Variants in FSTL5 observed in about 807,000 individuals in gnomAD.
FSTL5 encodes the protein follistatin-related protein 5.
Under a neutral mutation model 89.1 loss-of-function variants are expected in FSTL5, and 62 were observed. That is an observed-to-expected ratio of 0.70 (90% CI 0.57 to 0.86). The LOEUF is 0.86. Ranked by LOEUF, FSTL5 falls within the 40% of genes least tolerant of loss-of-function variation. The probability of loss-of-function intolerance (pLI) is 0.00; values close to 1 mark genes in which losing one functional copy is unlikely to be tolerated. For synonymous variants in FSTL5, 383 were observed against 346.2 expected, an observed-to-expected ratio of 1.11 and a Z score of -1.18; for missense variants, 1,057 against 1,001.6, an observed-to-expected ratio of 1.06 and a Z score of -0.75.
intron 4 of FSTL5, among the ~76,000 whole-genome samples, chr4:161,819,419 T>A (rs1490330964): frequency 1.3e-5 from 2 of 152,138 alleles, no homozygotes; most frequent in Non-Finnish European, 2.9e-5. Context: ...TTTTATGTCA[T>A]GTAACTTACA....
intron 2 of FSTL5, among the ~76,000 whole-genome samples, chr4:162,036,113 C>G (rs558731429): frequency 1.6e-3 from 243 of 152,182 alleles, no homozygotes; most frequent in Non-Finnish European, 2.6e-3. Context: ...TTAGCAATCT[C>G]GTCTAATCTC....
chr4:161,390,910 TG>T (rs1398904240), intron 15 of FSTL5, among the ~76,000 whole-genome samples: 1 of 152,138 alleles, frequency 6.6e-6, no homozygotes, highest in African/African-American at 2.4e-5. Flanking sequence ...TACAAACAGC[TG>T]GGAAAGGACC....
chr4:161,940,415 T>C (rs1169491567), intron 3 of FSTL5, among the ~76,000 whole-genome samples: 1 of 151,706 alleles, frequency 6.6e-6, no homozygotes, highest in Non-Finnish European at 1.5e-5. Flanking sequence ...TAAAATACAT[T>C]AATTTACACA....
chr4:161,521,610 A>T (rs1027642712), intron 10 of FSTL5, among the ~76,000 whole-genome samples: 9 of 152,180 alleles, frequency 5.9e-5, no homozygotes, highest in Non-Finnish European at 8.8e-5. Flanking sequence ...GCACTTTGAG[A>T]AGCCGAGGCG....
At chr4:162,040,105 T>G (rs1412040692) in intron 2 of FSTL5, among the ~76,000 whole-genome samples, 2 of 152,024 alleles carry the variant, frequency 1.3e-5, no homozygotes, top group Non-Finnish European at 2.9e-5. Context: ...AATTTCATTC[T>G]CAGAACTCTT....
chr4:162,125,889 T>C (rs554393667), intron 1 of FSTL5, among the ~76,000 whole-genome samples: 9 of 152,234 alleles, frequency 5.9e-5, no homozygotes, highest in Non-Finnish European at 8.8e-5. Context: ...GTGTGTTTAC[T>C]GTTGTATATC....
intron 4 of FSTL5, among the ~76,000 whole-genome samples, chr4:161,787,205 A>G (rs1741936962): frequency 6.6e-6 from 1 of 152,100 alleles, no homozygotes; most frequent in South Asian, 2.1e-4. Flanking sequence ...TATAAATGAG[A>G]TGTTTAAGGT....
In FSTL5 at chr4:162,147,741, G is replaced by A. The variant is rs1158073494; in HGVS notation, c.-17+15874C>T. ...TAAAATTAATGTTTGGGCCAGGAGC[G>A]GTGGCTCACGCCTGTAATCACAGCG... On this transcript the variant is annotated intron_variant, in intron 1 of 15. Transcript: ENST00000306100. 8.5e-5 allele frequency among the ~76,000 whole-genome samples: 13 copies of A among 152,162 alleles called. 1 individual carries two copies. The East Asian group carries it at 1.5e-3, about 18-fold the overall frequency.
At chr4:161,997,733 T>A (rs1468133581) in intron 3 of FSTL5, among the ~76,000 whole-genome samples, 1 of 151,078 alleles carries the variant, frequency 6.6e-6, no homozygotes. Flanking sequence ...GCCTCCAGAG[T>A]AGCTGGGACT....
chr4:161,521,559 A>C (rs1731022873), intron 10 of FSTL5, among the ~76,000 whole-genome samples: 1 of 152,062 alleles, frequency 6.6e-6, no homozygotes, highest in African/African-American at 2.4e-5. Context: ...GGTTAAAGAA[A>C]AACTGGTGGC....
chr4:162,063,337 T>C (rs1207761908), intron 2 of FSTL5, among the ~76,000 whole-genome samples: 3 of 151,834 alleles, frequency 2.0e-5, no homozygotes, highest in Non-Finnish European at 2.9e-5. Context: ...ACTTCTCTTA[T>C]ACAAGAGAAA....
chr4:161,564,186 A>G (rs899446605), intron 8 of FSTL5, among the ~76,000 whole-genome samples: 1 of 151,554 alleles, frequency 6.6e-6, no homozygotes, highest in Non-Finnish European at 1.5e-5. Context: ...GTATATTATC[A>G]GAACCATCAA....
chr4:161,658,278 G>A (rs1736589481), intron 6 of FSTL5, among the ~76,000 whole-genome samples: 1 of 151,686 alleles, frequency 6.6e-6, no homozygotes, highest in Admixed American at 6.6e-5. Context: ...GGCCAACATG[G>A]TGAAACCCCA....
At chr4:161,474,036 T>C (rs1418105896) in intron 13 of FSTL5, among the ~76,000 whole-genome samples, 1 of 152,204 alleles carries the variant, frequency 6.6e-6, no homozygotes, top group Non-Finnish European at 1.5e-5. Context: ...TCTCATTTCC[T>C]GCATTATTGT....
chr4:161,423,987 G>GT (rs1732080318), intron 15 of FSTL5, among the ~76,000 whole-genome samples: 1 of 144,144 alleles, frequency 6.9e-6, no homozygotes, highest in Non-Finnish European at 1.5e-5. Flanking sequence ...CTCCCAAGTA[G>GT]TTGGGACTAC....
intron 15 of FSTL5, among the ~76,000 whole-genome samples, chr4:161,433,429 T>A (rs535476590): frequency 1.3e-5 from 2 of 151,904 alleles, no homozygotes; most frequent in Non-Finnish European, 2.9e-5. Flanking sequence ...AAAAGCCACA[T>A]ACAACAGACC....
chr4:161,752,600 T>C (rs1002634410), intron 6 of FSTL5, among the ~76,000 whole-genome samples: 33 of 152,300 alleles, frequency 2.2e-4, no homozygotes, highest in African/African-American at 6.5e-4. Flanking sequence ...CACTTTTTTT[T>C]CCCTTGGATT....
chr4:162,127,714 C>T (rs1252647590), intron 1 of FSTL5, among the ~76,000 whole-genome samples: 1 of 151,658 alleles, frequency 6.6e-6, no homozygotes, highest in Non-Finnish European at 1.5e-5. Flanking sequence ...AAGGATAGAA[C>T]TGAGACATTA....
At chr4:161,552,490 G>A (rs1578919380) in intron 8 of FSTL5, 2 of 151,638 alleles carry the variant, frequency 1.3e-5, no homozygotes, top group East Asian at 3.9e-4. Context: ...CCACTTACAT[G>A]GTCACTGATA....
Sources: gnomAD v4.1 joint callset for allele counts (sites outside exome capture counted in the v4.1 genomes callset) on GRCh38, gnomAD v4.1.1 for gene constraint, MANE v1.5 for transcripts, NCBI Gene and HGNC (gene_info 2026-07-23, HGNC 2026-07-21) for gene names.